The following PTPRS variants were observed in gnomAD, a reference collection of about 807,000 sequenced individuals.
PTPRS encodes receptor-type tyrosine-protein phosphatase S.
Under a neutral mutation model 215.3 loss-of-function variants are expected in PTPRS, and 63 were observed. The ratio of observed to expected loss-of-function variants is 0.29; its 90% CI spans 0.24 to 0.36. The LOEUF (loss-of-function observed/expected upper bound fraction) is 0.36. Ranked by LOEUF, PTPRS falls within the 10% of genes least tolerant of loss-of-function variation. The pLI is 1.00. For synonymous variants in PTPRS, 1,404 were observed against 1,191.4 expected (o/e 1.18, Z -3.68); for missense variants, 2,258 against 2,825.8 (o/e 0.80, Z 4.56).
intron 1 of PTPRS, among the ~76,000 whole-genome samples, chr19:5,309,184 C>A (rs1195517834): frequency 6.6e-6 from 1 of 152,124 alleles, no homozygotes; most frequent in African/African-American, 2.4e-5. Flanking sequence ...TGGTGGTGAG[C>A]AGAGTGTGCA....
intron 9 of PTPRS, among the ~76,000 whole-genome samples, chr19:5,254,694 C>T (rs1229993898): frequency 6.6e-6 from 1 of 152,158 alleles, no homozygotes; most frequent in Non-Finnish European, 1.5e-5. Flanking sequence ...TGCTGTGTTG[C>T]TGGACAAAAG....
intron 1 of PTPRS, among the ~76,000 whole-genome samples, chr19:5,290,030 G>C (rs1446364856): frequency 6.6e-6 from 1 of 152,246 alleles, no homozygotes; most frequent in Non-Finnish European, 1.5e-5. Flanking sequence ...CCCAGTAAAT[G>C]ACACGGCTGT....
chr19:5,261,266 G>A (rs2045971783), intron 6 of PTPRS, among the ~76,000 whole-genome samples: 1 of 152,070 alleles, frequency 6.6e-6, no homozygotes, highest in South Asian at 2.1e-4. Context: ...AGACTAGGAG[G>A]GGACAAGGAG....
In PTPRS at chr19:5,339,120, G is replaced by A. The variant is rs1018058167; in HGVS notation, c.-95+1544C>T. Among the ~76,000 whole-genome samples the A allele has an allele frequency of 1.3e-5, 2 of 152,190 alleles. No homozygotes were observed. Among genetic ancestry groups the A allele is most frequent in the Non-Finnish European group, 2.9e-5 (2 of 68,022 alleles). The stretch of plus-strand genomic sequence containing the variant: ...CCCGCTTCACTAGCCGCGGCTGCCG[G>A]GATGTGTTTTTAGGGTCTCGGCCAG... On this transcript the variant is annotated intron_variant, in intron 1 of 37. Transcript: ENST00000262963. This position sits in a 1 kb window ranked among gnomAD's most constrained non-coding sequence, Gnocchi z 4.2.
chr19:5,212,530 A>G (rs1338127161), intron 30 of PTPRS, 39 bp from the exon 31 acceptor site: 1 of 1,546,126 alleles, frequency 6.5e-7, no homozygotes, highest in African/African-American at 1.4e-5. Flanking sequence ...CTCCGGCTCA[A>G]CCTGCCACCC....
chr19:5,219,919 G>T lies in PTPRS; in HGVS notation c.3765+20C>A, dbSNP rs567628705. 1.2e-6 allele frequency: 2 copies of T among 1,609,964 alleles called. No homozygotes were observed. The highest frequency in any genetic ancestry group is 2.7e-5 in the African/African-American group (2 of 74,970). Reference sequence around the variant, plus strand: ...TTCAGAGGTGTGTCTGGATGTGGGCGGACACCATTCAGGACTTACAGGCTC... The same window carrying T: ...TTCAGAGGTGTGTCTGGATGTGGGCTGACACCATTCAGGACTTACAGGCTC... On this transcript the variant is annotated intron_variant, in intron 22 of 37. Coordinates refer to ENST00000262963, the MANE Select transcript of PTPRS (RefSeq NM_002850.4).
At chr19:5,302,591 T>C (rs1033118130) in intron 1 of PTPRS, among the ~76,000 whole-genome samples, 8 of 152,100 alleles carry the variant, frequency 5.3e-5, no homozygotes, top group South Asian at 4.1e-4. Context: ...TACAAAGAGA[T>C]TGGCAGGTGT....
chr19:5,216,801 T>A, intron 25 of PTPRS, 34 bp from the exon 26 acceptor site: 1 of 1,461,078 alleles, frequency 6.8e-7, no homozygotes, highest in Non-Finnish European at 9.4e-7. Context: ...AATGAAAACA[T>A]GCAGGGGGTA....
rs1240719545 is a variant in PTPRS, at chr19:5,237,331, C to T, written c.1849+1588G>A. 2.0e-5 allele frequency among the ~76,000 whole-genome samples: 3 copies of T among 152,254 alleles called. No homozygotes were observed. Among genetic ancestry groups the T allele is most frequent in the East Asian group, 1.9e-4 (1 of 5,200 alleles). ...ACGCCTGGCCCTGAGTCTTTGCTGT[C>T]GGTTCTCCTGGGCCCCACCCGTCTC... On this transcript the variant is annotated intron_variant, in intron 13 of 37. Transcript: ENST00000262963. This position sits in a 1 kb window ranked among gnomAD's most constrained non-coding sequence, Gnocchi z 4.2.
chr19:5,301,557 C>T (rs1471523542), intron 1 of PTPRS, among the ~76,000 whole-genome samples: 1 of 151,762 alleles, frequency 6.6e-6, no homozygotes, highest in Non-Finnish European at 1.5e-5. Context: ...CTCAGGTGAT[C>T]CACTCGCCTC....
rs369055141 is a variant in PTPRS, at chr19:5,257,980, G to C, written c.706+37C>G. On this transcript the variant is annotated intron_variant, in intron 8 of 37. Transcript: ENST00000262963. The surrounding 1 kb of genome is among the most constrained non-coding windows in gnomAD (Gnocchi z 4.4). ...AGGAGGGAGGGGGATGGGACGGGGC[G>C]GGTCCCTGCCTTTGACCTGGACGCG... The C allele has an allele frequency of 7.0e-5, 109 of 1,560,720 alleles. No homozygotes were observed. The highest frequency in any genetic ancestry group is 8.7e-5 in the Non-Finnish European group (99 of 1,137,208).
intron 1 of PTPRS, among the ~76,000 whole-genome samples, chr19:5,317,051 G>A (rs932318435): frequency 9.9e-5 from 15 of 152,184 alleles, no homozygotes; most frequent in African/African-American, 3.6e-4. Flanking sequence ...CCAAACATCA[G>A]GGTTTGTCAA....
At chr19:5,316,994 C>A (rs920985141) in intron 1 of PTPRS, among the ~76,000 whole-genome samples, 1 of 152,190 alleles carries the variant, frequency 6.6e-6, no homozygotes, top group Non-Finnish European at 1.5e-5. Context: ...GAGGGATCCA[C>A]GAAGGATACC....
At chr19:5,305,939 C>G (rs866803894) in intron 1 of PTPRS, among the ~76,000 whole-genome samples, 1 of 22,644 alleles carries the variant, frequency 4.4e-5, no homozygotes, top group African/African-American at 2.2e-4. Context: ...GACTCCGTCT[C>G]AAAAAAAAAA....
chr19:5,292,076 G>A lies in PTPRS; in HGVS notation c.-94-5842C>T, dbSNP rs190795203. 4.3e-3 allele frequency among the ~76,000 whole-genome samples: 661 copies of A among 152,250 alleles called. 4 individuals carry two copies. Among genetic ancestry groups the A allele is most frequent in the African/African-American group, 0.015 (634 of 41,548 alleles). On this transcript the variant is annotated intron_variant, in intron 1 of 37. Coordinates refer to ENST00000262963, the MANE Select transcript of PTPRS (RefSeq NM_002850.4). ...GAAGCCCTCCTGGATGCCCCAGGGTGGATCAAGACCCATTCTGAGCTACCC... is the reference window on the plus strand; with the variant it reads ...GAAGCCCTCCTGGATGCCCCAGGGTAGATCAAGACCCATTCTGAGCTACCC...
Position 5,208,315 on chromosome 19 carries a change from C to G in PTPRS, c.5564G>C (p.Gly1855Ala). 6.2e-7 allele frequency: 1 copy of G among 1,613,948 alleles called. No homozygotes were observed. Among genetic ancestry groups the G allele is most frequent in the Non-Finnish European group, 8.5e-7 (1 of 1,179,874 alleles). Residue 1855 changes from glycine (G) to alanine (A), a missense_variant, in exon 36 of 38, where the codon GGC (glycine) becomes GCC (alanine). Around this residue, in one of 6 missense-constraint regions of PTPRS, gnomAD observed 927 missense variants for 1,125.9 expected, o/e 0.82. Transcript: ENST00000262963. ...PEQGVPKSGE[G>A]FIDFIGQVHK... is the part of the protein sequence containing the mutation. ...CACTTGGCCAATGAAGTCGATGAAG[C>G]CCTCCCCCGACTTTGGCACACCCTG...
At chr19:5,304,695 T>C (rs1600082204) in intron 1 of PTPRS, among the ~76,000 whole-genome samples, 1 of 151,956 alleles carries the variant, frequency 6.6e-6, no homozygotes, top group Non-Finnish European at 1.5e-5. Flanking sequence ...TAATGGGGGA[T>C]GTCGCAAGGC....
chr19:5,328,269 A>C (rs2050223212), intron 1 of PTPRS, among the ~76,000 whole-genome samples: 1 of 151,920 alleles, frequency 6.6e-6, no homozygotes, highest in African/African-American at 2.4e-5. Flanking sequence ...GGCACACACC[A>C]CCACGGCCAG....
In PTPRS at chr19:5,223,234, T is replaced by G. The variant is rs115276698; in HGVS notation, c.2558A>C (p.Glu853Ala). The change falls in exon 18 of 38, where the codon GAG (glutamate) becomes GCG (alanine). Residue 853 changes from glutamate (E) to alanine (A), a missense_variant. By Grantham distance (107) the Glu-to-Ala change is moderately radical (BLOSUM62 -1). Transcript: ENST00000262963. ...TPEGSLLARW[E>A]PPAGTAEDQV... ...GTCCTCCGCGGTGCCAGCCGGGGGC[T>G]CCCAGCGTGCCAGCAGGCTGCCCTC... 3 of 1,490,112 alleles carry G rather than the reference T, an allele frequency of 2.0e-6. No individual in the cohort carries two copies. The African/African-American group carries it at 4.3e-5, about 21-fold the overall frequency. 92.3% of individuals were successfully genotyped at this position (1,490,112 alleles called of 1,614,324 possible). A position where few individuals can be genotyped will look rare whatever the true frequency, so the allele number is the denominator to read the frequency against.
Sources: allele counts gnomAD v4.1 joint callset (sites outside exome capture counted in the v4.1 genomes callset), GRCh38; gene constraint gnomAD v4.1.1; regional missense constraint gnomAD v4.1.1; non-coding constraint Gnocchi (gnomAD v3.1); transcripts MANE v1.5; gene names NCBI Gene and HGNC (gene_info 2026-07-23, HGNC 2026-07-21).